Variants in PDE3B observed in about 807,000 individuals in gnomAD.
PDE3B encodes phosphodiesterase 3B, also known as cGMP-inhibited 3',5'-cyclic phosphodiesterase 3B.
In PDE3B, 66 loss-of-function variants were observed where a neutral mutation model predicts 116.8. The ratio of observed to expected loss-of-function variants is 0.56; its 90% CI spans 0.46 to 0.69. The LOEUF is 0.69. Among genes scored for constraint, PDE3B ranks in the 30% least tolerant of loss-of-function variants. The pLI, the probability that PDE3B is intolerant of heterozygous loss-of-function variation, is 0.00. For missense variants in PDE3B, 1,384 were observed against 1,368.1 expected, an observed-to-expected ratio of 1.01 and a Z score of -0.18; for synonymous variants, 595 against 533.6, an observed-to-expected ratio of 1.12 and a Z score of -1.59.
chr11:14,679,047 G>T (rs983308625), intron 1 of PDE3B, among the ~76,000 whole-genome samples: 2 of 152,114 alleles, frequency 1.3e-5, no homozygotes, highest in African/African-American at 4.8e-5. Flanking sequence ...CCTTTGTCAA[G>T]AATTAATTTG....
intron 2 of PDE3B, among the ~76,000 whole-genome samples, chr11:14,778,157 A>C (rs1258799548): frequency 6.6e-6 from 1 of 152,150 alleles, no homozygotes; most frequent in Non-Finnish European, 1.5e-5. Flanking sequence ...TAGGTAAACA[A>C]AGCAGCCCTG....
rs1032629818 is a variant in PDE3B, at chr11:14,870,609, A to G, written c.*949A>G. 3.9e-5 allele frequency: 6 copies of G among 152,466 alleles called. No individual in the cohort carries two copies. Among genetic ancestry groups the G allele is most frequent in the Admixed American group, 1.3e-4 (2 of 15,284 alleles). 9.4% of individuals were successfully genotyped at this position (152,466 alleles called of 1,614,324 possible). On this transcript the variant is annotated 3_prime_UTR_variant, in exon 16 of 16. Transcript: ENST00000282096. The surrounding 1 kb of genome is among the most constrained non-coding windows in gnomAD (Gnocchi z 4.1). ...ATAGTGAGCCCTAAAGGACACATAC[A>G]TTGAATAAATAATTGGAACATGTGG...
chr11:14,766,675 C>A lies in PDE3B; in HGVS notation c.979-5262C>A, dbSNP rs546984258. ...CTTTCTGTGAAAACAAACAAACAAACAAAAAAAAAACAGGGTATATAGATT... is the reference window on the plus strand; with the variant it reads ...CTTTCTGTGAAAACAAACAAACAAAAAAAAAAAAAACAGGGTATATAGATT... On this transcript the variant is annotated intron_variant, in intron 1 of 15. Transcript: ENST00000282096. Among the ~76,000 whole-genome samples the A allele has an allele frequency of 1.9e-3, 269 of 144,718 alleles. 2 individuals carry two copies. Among genetic ancestry groups the A allele is most frequent in the Non-Finnish European group, 1.8e-3 (117 of 65,286 alleles). The allele number at this position is 144,718 out of a possible 152,430, so 94.9% of individuals were successfully genotyped here. A position where few individuals can be genotyped will look rare whatever the true frequency, so the allele number is the denominator to read the frequency against.
intron 12 of PDE3B, among the ~76,000 whole-genome samples, chr11:14,849,674 G>T (rs549556338): frequency 1.3e-5 from 2 of 152,062 alleles, no homozygotes; most frequent in Admixed American, 1.3e-4. Flanking sequence ...ACAAGTGGGC[G>T]AAGGACATGA....
intron 12 of PDE3B, among the ~76,000 whole-genome samples, chr11:14,852,322 C>T (rs1318464241): frequency 6.6e-6 from 1 of 152,234 alleles, no homozygotes; most frequent in African/African-American, 2.4e-5. Flanking sequence ...TCCCAAAGTG[C>T]TGGGATTACA....
chr11:14,857,645 CCCT>C (rs1472065004), intron 12 of PDE3B, among the ~76,000 whole-genome samples: 1 of 152,160 alleles, frequency 6.6e-6, no homozygotes, highest in Non-Finnish European at 1.5e-5. Flanking sequence ...AGACCTTCCC[CCCT>C]CCGCCCATTT....
intron 2 of PDE3B, among the ~76,000 whole-genome samples, chr11:14,780,308 A>T (rs1013382443): frequency 6.6e-6 from 1 of 152,238 alleles, no homozygotes; most frequent in Non-Finnish European, 1.5e-5. Context: ...CTCTGCACCA[A>T]GCGAACCTAA....
At chr11:14,848,879 A>C (rs1481202144) in intron 12 of PDE3B, among the ~76,000 whole-genome samples, 1 of 152,254 alleles carries the variant, frequency 6.6e-6, no homozygotes, top group African/African-American at 2.4e-5. Flanking sequence ...GCTCATGGGT[A>C]GGAAGAATCA....
At position 14,661,636 on chromosome 11, in the gene PDE3B, C is replaced by T. The variant is rs570626332; in HGVS notation, c.978+16583C>T. On this transcript the variant is annotated intron_variant, in intron 1 of 15. Coordinates refer to ENST00000282096, the MANE Select transcript of PDE3B (RefSeq NM_000922.4). ...GCGCTTTTCCGACGGGCTTAAAAAACGGCGCACCACAAGATTATATCCCGC... is the reference window on the plus strand; with the variant it reads ...GCGCTTTTCCGACGGGCTTAAAAAATGGCGCACCACAAGATTATATCCCGC... 1.5e-3 allele frequency among the ~76,000 whole-genome samples: 221 copies of T among 152,334 alleles called. 1 individual carries two copies. Among genetic ancestry groups the T allele is most frequent in the Non-Finnish European group, 2.2e-3 (147 of 68,034 alleles).
In PDE3B at chr11:14,714,559, A is replaced by G. The variant is rs547981581; in HGVS notation, c.979-57378A>G. Reference sequence around the variant, plus strand: ...TGTCTCAAAAAAAAAAAAAAAAAAAAGAAATACATGTTTTATACCCTCAGA... The same window carrying G: ...TGTCTCAAAAAAAAAAAAAAAAAAAGGAAATACATGTTTTATACCCTCAGA... On this transcript the variant is annotated intron_variant, in intron 1 of 15. Transcript: ENST00000282096. 5.1e-3 allele frequency among the ~76,000 whole-genome samples: 757 copies of G among 149,622 alleles called. 8 individuals are homozygous for G. The highest frequency in any genetic ancestry group is 0.017 in the African/African-American group (718 of 41,152).
chr11:14,862,635 G>A (rs1043001543), intron 14 of PDE3B, among the ~76,000 whole-genome samples: 17 of 152,044 alleles, frequency 1.1e-4, no homozygotes, highest in Admixed American at 9.8e-4. Flanking sequence ...GTGCAGTGGC[G>A]CGATCTCGGC....
At chr11:14,648,989 A>G (rs1853491279) in intron 1 of PDE3B, among the ~76,000 whole-genome samples, 1 of 152,206 alleles carries the variant, frequency 6.6e-6, no homozygotes, top group Non-Finnish European at 1.5e-5. Flanking sequence ...TTATAGCAGA[A>G]TGGGCCATAT....
intron 1 of PDE3B, among the ~76,000 whole-genome samples, chr11:14,676,573 G>A (rs991813608): frequency 6.6e-6 from 1 of 152,144 alleles, no homozygotes; most frequent in Non-Finnish European, 1.5e-5. Flanking sequence ...TGAATGGAAG[G>A]TCTAGGACAT....
chr11:14,729,605 T>C (rs1565111831), intron 1 of PDE3B, among the ~76,000 whole-genome samples: 1 of 152,230 alleles, frequency 6.6e-6, no homozygotes, highest in Non-Finnish European at 1.5e-5. Context: ...TAAAAAGTTC[T>C]GTTGAAACAT....
At chr11:14,810,027 C>T (rs1166252787) in intron 5 of PDE3B, among the ~76,000 whole-genome samples, 2 of 151,792 alleles carry the variant, frequency 1.3e-5, no homozygotes, top group Non-Finnish European at 2.9e-5. Context: ...ATTATATACA[C>T]AGAAATCTAC....
At chr11:14,663,239 T>A (rs1853998410) in intron 1 of PDE3B, among the ~76,000 whole-genome samples, 1 of 152,030 alleles carries the variant, frequency 6.6e-6, no homozygotes, top group Admixed American at 6.6e-5. Context: ...AATAAAATAC[T>A]TTACAGACAA....
Position 14,644,857 on chromosome 11 carries a change from T to TG in PDE3B, c.786dup (p.Leu263ValfsTer77). On this transcript the variant is annotated frameshift_variant, in exon 1 of 16. Coordinates refer to ENST00000282096, the MANE Select transcript of PDE3B (RefSeq NM_000922.4). LOFTEE classifies it high-confidence loss of function. ...GGGGGCGCTGGCTGCCTGCTGGCCC[T>TG]GGGGTTGGATCACTTCTTTCAAATC... 1 of 1,613,308 alleles carries TG rather than the reference T, an allele frequency of 6.2e-7. No individual in the cohort carries two copies. The highest frequency in any genetic ancestry group is 8.5e-7 in the Non-Finnish European group (1 of 1,179,586).
chr11:14,739,577 A>G (rs1387733372), intron 1 of PDE3B, among the ~76,000 whole-genome samples: 2 of 152,084 alleles, frequency 1.3e-5, no homozygotes, highest in South Asian at 4.2e-4. Flanking sequence ...CTTTCTTCCT[A>G]TTTGAATACC....
chr11:14,847,587 C>T (rs1416878529), intron 12 of PDE3B, among the ~76,000 whole-genome samples: 1 of 152,114 alleles, frequency 6.6e-6, no homozygotes, highest in Non-Finnish European at 1.5e-5. Flanking sequence ...AATTGATAGA[C>T]CGCTAGCAAG....
Sources: gnomAD v4.1 joint callset for allele counts (sites outside exome capture counted in the v4.1 genomes callset) on GRCh38, gnomAD v4.1.1 for gene constraint, Gnocchi (gnomAD v3.1) non-coding constraint, MANE v1.5 for transcripts, NCBI Gene and HGNC (gene_info 2026-07-23, HGNC 2026-07-21) for gene names.